The following GRID2 variants were observed in gnomAD, a reference collection of about 807,000 sequenced individuals.
GRID2 encodes the protein glutamate receptor ionotropic, delta-2.
In GRID2, 33 loss-of-function variants were observed where a neutral mutation model predicts 114.8. The observed-to-expected ratio is 0.29, with a 90% CI of 0.22 to 0.38. GRID2 has a LOEUF of 0.38. GRID2 is among the 10% of genes least tolerant of loss of function. The probability of loss-of-function intolerance (pLI) is 1.00; values close to 1 mark genes in which losing one functional copy is unlikely to be tolerated. For synonymous variants in GRID2, 505 were observed against 449.9 expected (o/e 1.12, Z -1.55); for missense variants, 1,184 against 1,257.7 (o/e 0.94, Z 0.89).
intron 1 of GRID2, among the ~76,000 whole-genome samples, chr4:92,469,109 T>A (rs1579418721): frequency 6.6e-6 from 1 of 152,170 alleles, no homozygotes; most frequent in African/African-American, 2.4e-5. Context: ...CTACCTAACA[T>A]ACTTAAGAAA....
At chr4:93,247,794 C>A (rs1169476644) in intron 8 of GRID2, among the ~76,000 whole-genome samples, 1 of 151,828 alleles carries the variant, frequency 6.6e-6, no homozygotes, top group Non-Finnish European at 1.5e-5. Flanking sequence ...AGAACCCTGA[C>A]AATACCTTGG....
chr4:93,281,258 A>G (rs77557078), intron 8 of GRID2, among the ~76,000 whole-genome samples: 8,313 of 151,838 alleles, frequency 0.055, 489 homozygotes, highest in African/African-American at 0.15. Context: ...CAGTGATCAG[A>G]GGAAAATACT....
chr4:93,669,818 A>C (rs1260288904), intron 14 of GRID2, among the ~76,000 whole-genome samples: 1 of 152,122 alleles, frequency 6.6e-6, no homozygotes, highest in Non-Finnish European at 1.5e-5. Context: ...CTGGGCTCCA[A>C]CCCACCCTGC....
At chr4:92,437,114 G>A (rs1394250266) in intron 1 of GRID2, among the ~76,000 whole-genome samples, 1 of 152,068 alleles carries the variant, frequency 6.6e-6, no homozygotes, top group African/African-American at 2.4e-5. Context: ...GTTCGTATTT[G>A]AATCATGTGG....
At chr4:93,041,650 A>G (rs1023937433) in intron 2 of GRID2, among the ~76,000 whole-genome samples, 8 of 152,192 alleles carry the variant, frequency 5.3e-5, no homozygotes, top group Admixed American at 1.3e-4. Context: ...AAATGATAGC[A>G]ATATGAATGG....
chr4:92,811,099 A>G (rs1275376047), intron 2 of GRID2, among the ~76,000 whole-genome samples: 2 of 152,120 alleles, frequency 1.3e-5, no homozygotes, highest in East Asian at 1.9e-4. Context: ...CAAGATTTTT[A>G]GTTCACCTGG....
chr4:93,472,109 G>A (rs1446083635), intron 11 of GRID2, among the ~76,000 whole-genome samples: 1 of 151,230 alleles, frequency 6.6e-6, no homozygotes, highest in Admixed American at 6.6e-5. Flanking sequence ...CGGATCACCT[G>A]AGGTTGGGAG....
chr4:93,808,622 C>T (rs1735076415), exon 2 of GRID2: 2 of 152,114 alleles, frequency 1.3e-5, no homozygotes. Flanking sequence ...CACAGAATGA[C>T]AAAGAAGTAG....
At chr4:92,623,515 T>C (rs1442124661) in intron 2 of GRID2, among the ~76,000 whole-genome samples, 1 of 151,800 alleles carries the variant, frequency 6.6e-6, no homozygotes, top group East Asian at 1.9e-4. Flanking sequence ...TCTGAAAATA[T>C]GAAGTTCTCC....
intron 2 of GRID2, among the ~76,000 whole-genome samples, chr4:92,722,085 A>G (rs76724374): frequency 0.013 from 1,961 of 152,274 alleles, 45 homozygotes; most frequent in African/African-American, 0.045. Flanking sequence ...AGCAACCAAA[A>G]TGGTTTCTGG....
intron 13 of GRID2, among the ~76,000 whole-genome samples, chr4:93,611,834 C>G (rs1032270326): frequency 6.6e-6 from 1 of 151,642 alleles, no homozygotes; most frequent in African/African-American, 2.4e-5. Flanking sequence ...ATTAGGTCCC[C>G]CTGGTGCAGA....
exon 2 of GRID2, chr4:93,808,532 C>G (rs1398814961): frequency 6.6e-6 from 1 of 152,224 alleles, no homozygotes; most frequent in African/African-American, 2.4e-5. Context: ...ACCTCTCACC[C>G]TTACACAAGT....
intron 1 of GRID2, among the ~76,000 whole-genome samples, chr4:92,395,756 C>G (rs546862474): frequency 2.2e-3 from 339 of 151,798 alleles, no homozygotes; most frequent in African/African-American, 7.7e-3. Flanking sequence ...ATATTCTTTC[C>G]ATTCCTTGCA....
chr4:92,440,507 C>T (rs1042849706), intron 1 of GRID2, among the ~76,000 whole-genome samples: 3 of 152,016 alleles, frequency 2.0e-5, no homozygotes, highest in Non-Finnish European at 4.4e-5. Flanking sequence ...GGGGCAAATC[C>T]TCGAGCTTGA....
intron 4 of GRID2, among the ~76,000 whole-genome samples, chr4:93,202,597 A>T (rs1742224515): frequency 1.3e-5 from 2 of 152,172 alleles, no homozygotes; most frequent in South Asian, 4.1e-4. Context: ...TTTAGCCCTC[A>T]AGTTAGTAAT....
intron 1 of GRID2, among the ~76,000 whole-genome samples, chr4:92,466,842 G>T (rs1721776166): frequency 6.6e-6 from 1 of 151,478 alleles, no homozygotes; most frequent in Non-Finnish European, 1.5e-5. Context: ...GTGTGTGTGT[G>T]TTATATATAT....
chr4:93,721,299 T>A (rs997671981), intron 14 of GRID2, among the ~76,000 whole-genome samples: 1 of 152,148 alleles, frequency 6.6e-6, no homozygotes, highest in Non-Finnish European at 1.5e-5. Context: ...GTAAGTTAGG[T>A]AATGGATGGA....
chr4:93,779,506 G>C (rs1734438204), downstream of GRID2, among the ~76,000 whole-genome samples: 1 of 152,102 alleles, frequency 6.6e-6, no homozygotes, highest in South Asian at 2.1e-4. Context: ...CTGCCACCCA[G>C]CTTCTCCTGA....
intron 2 of GRID2, among the ~76,000 whole-genome samples, chr4:92,939,156 G>T (rs1750900717): frequency 1.4e-5 from 2 of 147,238 alleles, no homozygotes; most frequent in Admixed American, 7.3e-5. Context: ...TTCCACAATG[G>T]TTGAACTAGT....
Sources: gnomAD v4.1 joint callset for allele counts (sites outside exome capture counted in the v4.1 genomes callset) on GRCh38, gnomAD v4.1.1 for gene constraint, MANE v1.5 for transcripts, NCBI Gene and HGNC (gene_info 2026-07-23, HGNC 2026-07-21) for gene names.